Variants in PLXDC2 observed in about 807,000 individuals in gnomAD.
PLXDC2 encodes plexin domain-containing protein 2.
A neutral mutation model predicts 68.9 loss-of-function variants in PLXDC2; 40 were observed. The ratio of observed to expected loss-of-function variants is 0.58; its 90% CI spans 0.45 to 0.76. PLXDC2 has a LOEUF of 0.76. Ranked by LOEUF, PLXDC2 falls within the 30% of genes least tolerant of loss-of-function variation. PLXDC2 has a pLI of 0.00. For synonymous variants in PLXDC2, 243 were observed against 234.2 expected (o/e 1.04, Z -0.34); for missense variants, 644 against 661.9 (o/e 0.97, Z 0.30).
chr10:20,122,752 C>T (rs550526218), intron 4 of PLXDC2, among the ~76,000 whole-genome samples: 2 of 152,030 alleles, frequency 1.3e-5, no homozygotes, highest in African/African-American at 4.8e-5. Context: ...CAACTTTTTT[C>T]TACTATTGTA....
At chr10:19,971,348 G>A (rs1040085591) in intron 1 of PLXDC2, among the ~76,000 whole-genome samples, 2 of 152,184 alleles carry the variant, frequency 1.3e-5, no homozygotes, top group African/African-American at 4.8e-5. Flanking sequence ...CCAGTTCACT[G>A]TATATTTGGG....
intron 1 of PLXDC2, among the ~76,000 whole-genome samples, chr10:19,928,839 C>T (rs902875378): frequency 2.7e-5 from 4 of 149,436 alleles, no homozygotes; most frequent in East Asian, 2.0e-4. Flanking sequence ...ACTGTAACCT[C>T]GGCCTCCTGG....
At chr10:20,207,854 C>T (rs999709137) in intron 9 of PLXDC2, among the ~76,000 whole-genome samples, 2 of 70,924 alleles carry the variant, frequency 2.8e-5, no homozygotes, top group Non-Finnish European at 6.7e-5. Context: ...ATGGATCATG[C>T]CCTGAGAGAA....
At position 20,007,013 on chromosome 10, in the gene PLXDC2, T is replaced by C. The variant is rs545941447; in HGVS notation, c.324+5027T>C. 6.6e-5 allele frequency among the ~76,000 whole-genome samples: 10 copies of C among 152,324 alleles called. No homozygotes were observed. The South Asian group carries it at 1.0e-3, about 16-fold the overall frequency. Reference sequence around the variant, plus strand: ...TCTGCTGAAGTGTAGGTATTAAAAATGAGGTGTCGGGAAATAGTCACTGCA... The same window carrying C: ...TCTGCTGAAGTGTAGGTATTAAAAACGAGGTGTCGGGAAATAGTCACTGCA... On this transcript the variant is annotated intron_variant, in intron 2 of 13. Coordinates refer to ENST00000377252, the MANE Select transcript of PLXDC2 (RefSeq NM_032812.9).
Position 19,944,906 on chromosome 10 carries a change from T to G in PLXDC2, c.113-56869T>G, listed in dbSNP as rs561366564. On this transcript the variant is annotated intron_variant, in intron 1 of 13. Coordinates refer to ENST00000377252, the MANE Select transcript of PLXDC2 (RefSeq NM_032812.9). ...GGCGGAGGTTGCAGTGAGCTGAAAT[T>G]GCGCCACTGCACTCCAGCCGGGGCA... Among the ~76,000 whole-genome samples, 221 of 152,202 alleles carry G rather than the reference T, an allele frequency of 1.5e-3. 1 individual carries two copies. Among genetic ancestry groups the G allele is most frequent in the Non-Finnish European group, 2.7e-3 (186 of 68,004 alleles).
At chr10:20,263,680 C>G (rs1305203751) in intron 13 of PLXDC2, among the ~76,000 whole-genome samples, 1 of 152,046 alleles carries the variant, frequency 6.6e-6, no homozygotes, top group Non-Finnish European at 1.5e-5. Flanking sequence ...AGACACTTCT[C>G]AAAAGAAGAC....
chr10:20,266,819 G>C (rs1231114831), intron 13 of PLXDC2, among the ~76,000 whole-genome samples: 1 of 152,116 alleles, frequency 6.6e-6, no homozygotes, highest in Admixed American at 6.6e-5. Flanking sequence ...AACATTATCT[G>C]TCTCATTTCA....
At chr10:19,871,346 G>A (rs561900955) in intron 1 of PLXDC2, among the ~76,000 whole-genome samples, 3 of 152,106 alleles carry the variant, frequency 2.0e-5, no homozygotes, top group Non-Finnish European at 4.4e-5. Context: ...ATAATTAGAA[G>A]ATAAATAAAA....
chr10:20,221,620 A>G (rs1334726146), intron 12 of PLXDC2, among the ~76,000 whole-genome samples: 7 of 152,232 alleles, frequency 4.6e-5, no homozygotes, highest in Admixed American at 4.6e-4. Context: ...TGACTAAGTT[A>G]GTGTGCTATT....
intron 4 of PLXDC2, among the ~76,000 whole-genome samples, chr10:20,086,202 G>A (rs925117110): frequency 5.3e-5 from 8 of 151,930 alleles, no homozygotes; most frequent in East Asian, 1.9e-4. Context: ...CCCTGTCTCC[G>A]AGGCTGGAGT....
intron 1 of PLXDC2, among the ~76,000 whole-genome samples, chr10:19,876,823 T>C (rs1837641272): frequency 2.6e-5 from 4 of 152,146 alleles, no homozygotes; most frequent in Admixed American, 2.6e-4. Flanking sequence ...ACTGTAACTG[T>C]TGTCAGGTTA....
intron 1 of PLXDC2, among the ~76,000 whole-genome samples, chr10:19,835,779 G>A (rs762103947): frequency 2.4e-4 from 36 of 152,122 alleles, no homozygotes; most frequent in Admixed American, 3.9e-4. Flanking sequence ...AGTGGTTTTG[G>A]TGGAGGAATG....
At chr10:20,270,551 C>CT (rs111516767) in intron 13 of PLXDC2, among the ~76,000 whole-genome samples, 170 of 148,318 alleles carry the variant, frequency 1.1e-3, no homozygotes, top group East Asian at 5.3e-3. Flanking sequence ...ATTTTCTTTT[C>CT]TTTTTTTTTT....
chr10:19,938,102 C>A (rs1833759640), intron 1 of PLXDC2, among the ~76,000 whole-genome samples: 1 of 152,076 alleles, frequency 6.6e-6, no homozygotes, highest in South Asian at 2.1e-4. Flanking sequence ...TGTCCATAGG[C>A]ACAAGATTGT....
chr10:19,907,485 C>T (rs1384479518), intron 1 of PLXDC2, among the ~76,000 whole-genome samples: 2 of 152,156 alleles, frequency 1.3e-5, no homozygotes, highest in Non-Finnish European at 2.9e-5. Flanking sequence ...AAACTGAAGA[C>T]AGACTCAGTC....
At chr10:20,113,752 C>T (rs1833587304) in intron 4 of PLXDC2, among the ~76,000 whole-genome samples, 1 of 152,124 alleles carries the variant, frequency 6.6e-6, no homozygotes, top group African/African-American at 2.4e-5. Context: ...TTGCCATGTA[C>T]CCTTCTCAAT....
At chr10:19,908,306 G>A (rs192790779) in intron 1 of PLXDC2, among the ~76,000 whole-genome samples, 9 of 152,156 alleles carry the variant, frequency 5.9e-5, no homozygotes, top group African/African-American at 2.2e-4. Flanking sequence ...TTTCTATGGC[G>A]GTAATCTGCA....
rs1480015541 is a variant in PLXDC2 at position 20,001,665 on chromosome 10, G to A, written c.113-110G>A. The A allele has an allele frequency of 8.8e-6, 8 of 910,654 alleles. No individual in the cohort carries two copies. The African/African-American group carries it at 1.0e-4, about 11-fold the overall frequency. The allele number at this position is 910,654 out of a possible 1,614,324, so 56.4% of individuals were successfully genotyped here. A position where few individuals can be genotyped will look rare whatever the true frequency, so the allele number is the denominator to read the frequency against. ...AAACAGATTTAACTGTTACAAGTTA[G>A]TTTCCTATTCTCGTGCCTCACAGAA... is the stretch of plus-strand genomic sequence containing the variant. On this transcript the variant is annotated intron_variant, in intron 1 of 13. Coordinates refer to ENST00000377252, the MANE Select transcript of PLXDC2 (RefSeq NM_032812.9).
chr10:20,215,984 T>G (rs967637764), intron 10 of PLXDC2, among the ~76,000 whole-genome samples: 1 of 152,014 alleles, frequency 6.6e-6, no homozygotes, highest in African/African-American at 2.4e-5. Flanking sequence ...CTGCTAAGGA[T>G]GCAGGAGATG....
Sources: gnomAD v4.1 joint callset for allele counts (sites outside exome capture counted in the v4.1 genomes callset) on GRCh38, gnomAD v4.1.1 for gene constraint, MANE v1.5 for transcripts, NCBI Gene and HGNC (gene_info 2026-07-23, HGNC 2026-07-21) for gene names.